Variants in WDR7 observed in about 807,000 individuals in gnomAD.
WDR7 encodes WD repeat-containing protein 7.
Under a neutral mutation model 169.4 loss-of-function variants are expected in WDR7, and 46 were observed. That is an observed-to-expected ratio of 0.27 (90% CI 0.21 to 0.35). WDR7 has a LOEUF of 0.35. Among genes scored for constraint, WDR7 ranks in the 10% least tolerant of loss-of-function variants. The pLI is 1.00. For synonymous variants in WDR7, 612 were observed against 666.8 expected (o/e 0.92, Z 1.27); for missense variants, 1,534 against 1,859.3 (o/e 0.83, Z 3.22).
At position 56,779,527 on chromosome 18, in the gene WDR7, G is replaced by C. The variant is rs367829733; in HGVS notation, c.3044G>C (p.Arg1015Thr). 1 of 1,613,886 alleles carries C rather than the reference G, an allele frequency of 6.2e-7. No homozygotes were observed. The highest frequency in any genetic ancestry group is 1.1e-5 in the South Asian group (1 of 91,038). Residue 1015 changes from arginine to threonine, a missense_variant, in exon 18 of 28, where the codon AGA becomes ACA. Physicochemically the swap from Arg to Thr is moderately conservative, Grantham distance 71. Transcript: ENST00000254442. Reference sequence around the variant, plus strand: ...CCCCTTCTGGAGATGCTGGCCCGAAGATGGCAAGATCGATGCTTGGAGGTA... The same window carrying C: ...CCCCTTCTGGAGATGCTGGCCCGAACATGGCAAGATCGATGCTTGGAGGTA... ...RPPLLEMLAR[R>T]WQDRCLEVRE...
chr18:56,758,727 T>C (rs1396519811), intron 15 of WDR7, 138 bp from the exon 16 acceptor site: 2 of 580,766 alleles, frequency 3.4e-6, no homozygotes, highest in African/African-American at 3.8e-5. Context: ...AAAAAATCTT[T>C]CTGGAATGGT....
In WDR7 at chr18:56,758,913, T is replaced by C; in HGVS notation, c.2808T>C (p.Pro936=). ...TPDLSKARGS[P]PTSSNIVQGQ... Reference sequence around the variant, plus strand: ...ACCTTTCTAAGGCAAGGGGTTCCCCTCCAACTTCCAGTAATATTGTGCAAG... The same window carrying C: ...ACCTTTCTAAGGCAAGGGGTTCCCCCCCAACTTCCAGTAATATTGTGCAAG... Residue 936 remains proline, a synonymous_variant, in exon 16 of 28, where the codon CCT becomes CCC. Coordinates refer to ENST00000254442, the MANE Select transcript of WDR7 (RefSeq NM_015285.3). 1 of 1,613,248 alleles carries C rather than the reference T, an allele frequency of 6.2e-7. No individual in the cohort carries two copies. The highest frequency in any genetic ancestry group is 1.3e-5 in the African/African-American group (1 of 75,016).
intron 19 of WDR7, among the ~76,000 whole-genome samples, chr18:56,799,586 A>G (rs917723139): frequency 2.0e-5 from 3 of 152,184 alleles, no homozygotes; most frequent in African/African-American, 7.2e-5. Flanking sequence ...AAAAATATAT[A>G]AGACTTGGTA....
intron 22 of WDR7, among the ~76,000 whole-genome samples, chr18:56,928,362 G>A (rs1427167187): frequency 6.6e-6 from 1 of 152,166 alleles, no homozygotes; most frequent in Admixed American, 6.5e-5. Context: ...CTACCAGGGA[G>A]GCTGAGGAGG....
At chr18:56,681,221 T>C (rs1568133718) in intron 3 of WDR7, 92 bp from the exon 4 acceptor site, 2 of 916,904 alleles carry the variant, frequency 2.2e-6, no homozygotes, top group Non-Finnish European at 3.4e-6. Flanking sequence ...ATATATTAGT[T>C]TTAATGGAAG....
At chr18:56,902,331 A>G (rs1168040462) in intron 21 of WDR7, among the ~76,000 whole-genome samples, 2 of 152,218 alleles carry the variant, frequency 1.3e-5, no homozygotes, top group African/African-American at 4.8e-5. Context: ...AATCAAGTTA[A>G]TTTTGGTAAC....
intron 1 of WDR7, among the ~76,000 whole-genome samples, chr18:56,668,197 C>A (rs1392054274): frequency 6.6e-6 from 1 of 152,172 alleles, no homozygotes; most frequent in Non-Finnish European, 1.5e-5. Context: ...AAATGTCTTA[C>A]CAAGAAGCCC....
rs74550010 is a variant in WDR7 at position 56,691,182 on chromosome 18, T to A, written c.718-34T>A. 3,834 of 1,589,408 alleles carry A rather than the reference T, an allele frequency of 2.4e-3. 57 individuals carry two copies. The East Asian group carries it at 0.036, about 15-fold the overall frequency. Reference sequence around the variant, plus strand: ...CTGGATCTTACTTTTTACAACAATATGGAGTAGATTGTGAATTTCTTTCTT... The same window carrying A: ...CTGGATCTTACTTTTTACAACAATAAGGAGTAGATTGTGAATTTCTTTCTT... On this transcript the variant is annotated intron_variant, in intron 7 of 27. Transcript: ENST00000254442.
intron 20 of WDR7, among the ~76,000 whole-genome samples, chr18:56,854,858 G>T (rs1453085906): frequency 2.0e-5 from 3 of 152,124 alleles, no homozygotes; most frequent in Non-Finnish European, 4.4e-5. Context: ...GAGAGATTCT[G>T]TTTTCTGAGG....
At chr18:57,032,806 TATATATATATATA>T (rs2048448805), downstream of WDR7, 1 of 14,538 alleles carries the variant, frequency 6.9e-5, no homozygotes, top group African/African-American at 2.2e-4. Flanking sequence ...TTATTTTATA[TATATATATATATA>T]TATATATATA....
downstream of WDR7, chr18:57,031,829 C>G (rs1346768337): frequency 6.6e-6 from 1 of 152,168 alleles, no homozygotes; most frequent in Non-Finnish European, 1.5e-5. Flanking sequence ...TTGCACCTGT[C>G]AAATGCTCAG....
At chr18:56,939,025 T>C (rs1039992712) in intron 24 of WDR7, among the ~76,000 whole-genome samples, 1 of 152,140 alleles carries the variant, frequency 6.6e-6, no homozygotes, top group African/African-American at 2.4e-5. Context: ...AAATAAAATA[T>C]ATAATGTGTT....
intron 26 of WDR7, among the ~76,000 whole-genome samples, chr18:57,020,415 C>T (rs2048271012): frequency 1.3e-5 from 2 of 152,210 alleles, no homozygotes; most frequent in Admixed American, 1.3e-4. Context: ...ACCTTTCTAA[C>T]TAATTGTAAA....
Position 56,876,431 on chromosome 18 carries a change from A to G in WDR7, c.3305-3513A>G, listed in dbSNP as rs767157605. On this transcript the variant is annotated intron_variant, in intron 20 of 27. Transcript: ENST00000254442. ...TATACAAAGAGAAAACCAAAGAGAC[A>G]TAACTAGGCTCAAAAAAGATATCTC... Among the ~76,000 whole-genome samples the G allele has an allele frequency of 3.3e-4, 50 of 152,338 alleles. No individual in the cohort carries two copies. The Middle Eastern group carries it at 0.014, about 41-fold the overall frequency.
At chr18:56,934,805 G>A (rs2046935992) in intron 22 of WDR7, among the ~76,000 whole-genome samples, 1 of 152,128 alleles carries the variant, frequency 6.6e-6, no homozygotes, top group Non-Finnish European at 1.5e-5. Context: ...TTTAATTGGA[G>A]TAGGATAAGT....
intron 26 of WDR7, among the ~76,000 whole-genome samples, chr18:57,000,077 G>A (rs1047807053): frequency 6.6e-6 from 1 of 152,164 alleles, no homozygotes; most frequent in Non-Finnish European, 1.5e-5. Flanking sequence ...AGAATTGGAA[G>A]TATCCAAATA....
intron 27 of WDR7, 63 bp from the exon 28 acceptor site, chr18:57,026,941 T>C: frequency 6.5e-7 from 1 of 1,532,622 alleles, no homozygotes; most frequent in South Asian, 1.2e-5. Flanking sequence ...ATCGACCCAG[T>C]CTCTGTGATA....
chr18:56,699,992 C>G (rs1258095688), intron 12 of WDR7: 1 of 567,158 alleles, frequency 1.8e-6, no homozygotes, highest in Non-Finnish European at 2.2e-6. Flanking sequence ...AAAGTCTTTC[C>G]AAATTCCTAC....
chr18:56,764,989 T>C (rs1229528661), intron 16 of WDR7, among the ~76,000 whole-genome samples: 1 of 152,188 alleles, frequency 6.6e-6, no homozygotes, highest in Non-Finnish European at 1.5e-5. Flanking sequence ...CTCGTCATTA[T>C]GAAATGACCT....
Sources: allele counts gnomAD v4.1 joint callset (sites outside exome capture counted in the v4.1 genomes callset), GRCh38; gene constraint gnomAD v4.1.1; transcripts MANE v1.5; gene names NCBI Gene and HGNC (gene_info 2026-07-23, HGNC 2026-07-21).